Variants in WWP2 observed in about 807,000 individuals in gnomAD.
The protein encoded by WWP2 is WW domain containing E3 ubiquitin protein ligase 2, also known as NEDD4-like E3 ubiquitin-protein ligase WWP2.
A neutral mutation model predicts 121.0 loss-of-function variants in WWP2; 57 were observed. That is an observed-to-expected ratio of 0.47 (90% CI 0.38 to 0.59). The LOEUF (loss-of-function observed/expected upper bound fraction) is 0.59, where lower values mean the gene tolerates loss of function less well. WWP2 is among the 20% of genes least tolerant of loss of function. The pLI is 0.00. For missense variants in WWP2, 962 were observed against 1,158.9 expected (o/e 0.83, Z 2.47); for synonymous variants, 449 against 441.3 (o/e 1.02, Z -0.22).
intron 8 of WWP2, chr16:69,890,790 C>T (rs916929409): frequency 6.6e-6 from 1 of 152,188 alleles, no homozygotes; most frequent in Non-Finnish European, 1.5e-5. Flanking sequence ...GCTCTGAAAA[C>T]GCTCTTTATT....
chr16:69,840,279 C>T lies in WWP2; in HGVS notation c.478+16C>T. The T allele has an allele frequency of 6.2e-7, 1 of 1,613,626 alleles. No individual in the cohort carries two copies. The highest frequency in any genetic ancestry group is 1.1e-5 in the South Asian group (1 of 91,052). Reference sequence around the variant, plus strand: ...CTGACAGATGGTGAGTGCCGCCCTGCTCCTCAGGACTGTGCCGGGACAGGG... The same window carrying T: ...CTGACAGATGGTGAGTGCCGCCCTGTTCCTCAGGACTGTGCCGGGACAGGG... On this transcript the variant is annotated intron_variant, in intron 5 of 23. Transcript: ENST00000359154.
intron 1 of WWP2, among the ~76,000 whole-genome samples, chr16:69,786,381 T>C (rs111657053): frequency 0.082 from 12,311 of 150,696 alleles, 633 homozygotes; most frequent in South Asian, 0.22. Context: ...CCCAACCCTG[T>C]AATCCACCCG....
chr16:69,782,381 C>T (rs4464069), intron 1 of WWP2, among the ~76,000 whole-genome samples: 47,141 of 151,856 alleles, frequency 0.31, 8,771 homozygotes, highest in African/African-American at 0.51. Flanking sequence ...AGGTTGAGGA[C>T]GGGGCAGGAG....
At chr16:69,826,913 T>G (rs1597010850) in intron 4 of WWP2, among the ~76,000 whole-genome samples, 3 of 115,466 alleles carry the variant, frequency 2.6e-5, no homozygotes, top group South Asian at 3.0e-4. Flanking sequence ...CACTCCAGCC[T>G]GGGTGACAGA....
chr16:69,840,835 C>T (rs962588743), intron 5 of WWP2, among the ~76,000 whole-genome samples: 1 of 152,170 alleles, frequency 6.6e-6, no homozygotes, highest in African/African-American at 2.4e-5. Flanking sequence ...TTGGGTTTCT[C>T]CATAATTTTT....
chr16:69,898,455 A>G (rs994013416), intron 8 of WWP2, among the ~76,000 whole-genome samples: 5 of 152,246 alleles, frequency 3.3e-5, no homozygotes, highest in Non-Finnish European at 5.9e-5. Flanking sequence ...GTGAGCATGC[A>G]TAAGCATTCC....
chr16:69,877,465 T>A (rs1254411745), intron 7 of WWP2, among the ~76,000 whole-genome samples: 2 of 152,208 alleles, frequency 1.3e-5, no homozygotes, highest in African/African-American at 4.8e-5. Flanking sequence ...TATCGCTTTC[T>A]CCCTATCACT....
At chr16:69,904,109 T>C (rs566866988) in intron 8 of WWP2, among the ~76,000 whole-genome samples, 15 of 152,238 alleles carry the variant, frequency 9.9e-5, no homozygotes, top group Non-Finnish European at 1.9e-4. Context: ...TTAAGCCAAA[T>C]ATCTTTCTCA....
intron 19 of WWP2, 21 bp downstream of exon 19, chr16:69,936,473 G>T: frequency 1.9e-6 from 3 of 1,613,458 alleles, no homozygotes; most frequent in Non-Finnish European, 2.5e-6. Flanking sequence ...GGCGCCGGGG[G>T]CTCCGCTCCA....
intron 7 of WWP2, among the ~76,000 whole-genome samples, chr16:69,873,429 AG>A (rs2057678253): frequency 6.6e-6 from 1 of 152,162 alleles, no homozygotes; most frequent in South Asian, 2.1e-4. Context: ...GAAGGACTTG[AG>A]TGAACTGACT....
At chr16:69,936,075 C>A (rs2058793146) in intron 18 of WWP2, 89 bp downstream of exon 18, 8 of 1,550,362 alleles carry the variant, frequency 5.2e-6, no homozygotes, top group Admixed American at 1.9e-5. Context: ...ATTTTGTCTG[C>A]CAGTGTGGCC....
chr16:69,877,567 G>T (rs182098457), intron 7 of WWP2, among the ~76,000 whole-genome samples: 1 of 151,984 alleles, frequency 6.6e-6, no homozygotes, highest in Admixed American at 6.6e-5. Context: ...CTTTGCATTC[G>T]CAACTTGGCT....
At chr16:69,776,634 A>C (rs1428086546) in intron 1 of WWP2, among the ~76,000 whole-genome samples, 2 of 152,014 alleles carry the variant, frequency 1.3e-5, no homozygotes, top group Non-Finnish European at 2.9e-5. Flanking sequence ...GTTCGAGACC[A>C]GCCTTAACAT....
At chr16:69,847,653 C>A (rs2057108984) in intron 6 of WWP2, among the ~76,000 whole-genome samples, 1 of 151,622 alleles carries the variant, frequency 6.6e-6, no homozygotes, top group African/African-American at 2.4e-5. Context: ...GGTGATCTGC[C>A]CGCCTCGGCC....
intron 8 of WWP2, among the ~76,000 whole-genome samples, chr16:69,889,216 C>T (rs1385836526): frequency 6.6e-6 from 1 of 152,114 alleles, no homozygotes; most frequent in Non-Finnish European, 1.5e-5. Context: ...GTCGTAGCTA[C>T]TGGGGAGGCC....
chr16:69,837,251 T>A (rs945151760), intron 4 of WWP2, among the ~76,000 whole-genome samples: 2 of 152,040 alleles, frequency 1.3e-5, no homozygotes, highest in African/African-American at 4.8e-5. Flanking sequence ...TTTTTTTTAG[T>A]GACAGAGTCT....
intron 14 of WWP2, 87 bp from the exon 15 acceptor site, chr16:69,931,422 A>G: frequency 1.3e-6 from 2 of 1,564,238 alleles, no homozygotes; most frequent in South Asian, 2.2e-5. Context: ...CTGGCCCAGC[A>G]GGCTGGGGAA....
At chr16:69,890,089 G>A (rs2057998715) in intron 8 of WWP2, among the ~76,000 whole-genome samples, 1 of 151,556 alleles carries the variant, frequency 6.6e-6, no homozygotes, top group East Asian at 1.9e-4. Flanking sequence ...CAAGTAGCTG[G>A]GACTACAGGC....
intron 4 of WWP2, among the ~76,000 whole-genome samples, chr16:69,804,024 A>G (rs984512054): frequency 2.6e-5 from 4 of 152,148 alleles, no homozygotes; most frequent in Non-Finnish European, 5.9e-5. Flanking sequence ...TTGCCCTATT[A>G]ATGTCCTTTG....
Sources: gnomAD v4.1 joint callset for allele counts (sites outside exome capture counted in the v4.1 genomes callset) on GRCh38, gnomAD v4.1.1 for gene constraint, MANE v1.5 for transcripts, NCBI Gene and HGNC (gene_info 2026-07-23, HGNC 2026-07-21) for gene names.